Variants in ASIC2 observed in about 807,000 individuals in gnomAD.
ASIC2 encodes acid-sensing ion channel 2.
ASIC2 carries 25 observed loss-of-function variants against 57.3 expected under a neutral mutation model. The ratio of observed to expected loss-of-function variants is 0.44; its 90% CI spans 0.32 to 0.61. ASIC2 has a LOEUF of 0.61. ASIC2 is among the 20% of genes least tolerant of loss of function. The probability of loss-of-function intolerance (pLI) is 0.06; values close to 1 mark genes in which losing one functional copy is unlikely to be tolerated. For synonymous variants in ASIC2, 319 were observed against 307.5 expected, an observed-to-expected ratio of 1.04 and a Z score of -0.39; for missense variants, 641 against 738.1, an observed-to-expected ratio of 0.87 and a Z score of 1.52.
chr17:33,825,769 C>A (rs1016767607), intron 1 of ASIC2, among the ~76,000 whole-genome samples: 8 of 152,250 alleles, frequency 5.3e-5, no homozygotes, highest in African/African-American at 1.9e-4. Flanking sequence ...AAGAAAAATT[C>A]TTGGCTACTG....
chr17:34,057,839 G>C (rs1284926937), intron 1 of ASIC2, among the ~76,000 whole-genome samples: 1 of 152,126 alleles, frequency 6.6e-6, no homozygotes, highest in Non-Finnish European at 1.5e-5. Context: ...AAATGCCTGT[G>C]ATAGAACCAA....
chr17:33,650,951 T>C (rs530132815), intron 1 of ASIC2, among the ~76,000 whole-genome samples: 3 of 152,330 alleles, frequency 2.0e-5, no homozygotes, highest in South Asian at 4.1e-4. Context: ...TATTGTACTA[T>C]AGTTTTGCAA....
chr17:33,508,444 G>T (rs1914328904), intron 1 of ASIC2, among the ~76,000 whole-genome samples: 1 of 152,180 alleles, frequency 6.6e-6, no homozygotes, highest in Admixed American at 6.5e-5. Flanking sequence ...GCAGGCCATG[G>T]AAGCCCAGTA....
chr17:33,323,362 A>T (rs1305266050), intron 1 of ASIC2, among the ~76,000 whole-genome samples: 3 of 152,198 alleles, frequency 2.0e-5, no homozygotes, highest in African/African-American at 7.2e-5. Flanking sequence ...AGAATGAATG[A>T]TCCATGACTA....
At chr17:33,343,321 C>A (rs1175947780) in intron 1 of ASIC2, among the ~76,000 whole-genome samples, 2 of 152,230 alleles carry the variant, frequency 1.3e-5, no homozygotes, top group East Asian at 1.9e-4. Flanking sequence ...TCTGCTCCCT[C>A]TTCTAATCCT....
At chr17:33,546,255 T>A (rs1915575578) in intron 1 of ASIC2, among the ~76,000 whole-genome samples, 1 of 152,018 alleles carries the variant, frequency 6.6e-6, no homozygotes, top group Non-Finnish European at 1.5e-5. Flanking sequence ...ATATTCATCT[T>A]ATTCATTCTT....
chr17:33,943,697 A>AAAT (rs1282996345), intron 1 of ASIC2, among the ~76,000 whole-genome samples: 10 of 151,170 alleles, frequency 6.6e-5, no homozygotes, highest in Non-Finnish European at 1.0e-4. Flanking sequence ...AATAGTAAAA[A>AAAT]AAAAAAAAAA....
chr17:33,606,388 T>G (rs905932576), intron 1 of ASIC2, among the ~76,000 whole-genome samples: 10 of 152,158 alleles, frequency 6.6e-5, no homozygotes, highest in Non-Finnish European at 1.5e-4. Flanking sequence ...TCCAAATCAC[T>G]CCACACAGCT....
Position 33,408,680 on chromosome 17 carries a change from T to C in ASIC2, c.556-296613A>G, listed in dbSNP as rs113936474. Among the ~76,000 whole-genome samples the C allele has an allele frequency of 2.6e-3, 393 of 152,272 alleles. 2 individuals are homozygous for C. Among genetic ancestry groups the C allele is most frequent in the African/African-American group, 9.1e-3 (378 of 41,542 alleles). Reference sequence around the variant, plus strand: ...CCACTCCCTGGATGAAAATTCATGATAAACAAATGAACAAACAAACAGTAG... The same window carrying C: ...CCACTCCCTGGATGAAAATTCATGACAAACAAATGAACAAACAAACAGTAG... On this transcript the variant is annotated intron_variant, in intron 1 of 9. Coordinates refer to the ASIC2 transcript ENST00000359872.
At chr17:33,283,975 C>T (rs1905056461) in intron 1 of ASIC2, among the ~76,000 whole-genome samples, 1 of 152,140 alleles carries the variant, frequency 6.6e-6, no homozygotes, top group Non-Finnish European at 1.5e-5. Flanking sequence ...CCACACAGTG[C>T]CTCAGTTTTC....
intron 1 of ASIC2, among the ~76,000 whole-genome samples, chr17:33,749,938 G>A (rs1299403487): frequency 6.6e-6 from 1 of 152,130 alleles, no homozygotes; most frequent in Non-Finnish European, 1.5e-5. Flanking sequence ...GAGTGCCCGA[G>A]TCTCCCCCCA....
At chr17:33,891,868 A>T (rs1310866145) in intron 1 of ASIC2, among the ~76,000 whole-genome samples, 1 of 152,178 alleles carries the variant, frequency 6.6e-6, no homozygotes, top group Non-Finnish European at 1.5e-5. Context: ...CTTCTTTCTT[A>T]GGCACTTCTC....
At chr17:33,588,174 C>G (rs1222117309) in intron 1 of ASIC2, among the ~76,000 whole-genome samples, 2 of 152,208 alleles carry the variant, frequency 1.3e-5, no homozygotes, top group East Asian at 3.8e-4. Flanking sequence ...ATGATGTGAG[C>G]TTATGGCTTA....
intron 1 of ASIC2, among the ~76,000 whole-genome samples, chr17:33,489,039 C>T (rs1453830597): frequency 6.6e-6 from 1 of 152,150 alleles, no homozygotes; most frequent in Non-Finnish European, 1.5e-5. Context: ...TTCAAAGTCC[C>T]TGCCCTTCCA....
intron 1 of ASIC2, among the ~76,000 whole-genome samples, chr17:33,367,723 G>T (rs988064022): frequency 2.0e-5 from 3 of 152,124 alleles, no homozygotes; most frequent in African/African-American, 7.2e-5. Context: ...CAGGGCAATT[G>T]ATAAAGATAA....
chr17:33,827,881 C>G (rs548023955), intron 1 of ASIC2: 1 of 152,238 alleles, frequency 6.6e-6, no homozygotes, highest in East Asian at 1.9e-4. Context: ...CTCTTTCCCT[C>G]CACTCCCGAC....
chr17:33,297,307 C>G (rs972687662), upstream of ASIC2, among the ~76,000 whole-genome samples: 7 of 152,160 alleles, frequency 4.6e-5, no homozygotes, highest in African/African-American at 1.7e-4. Context: ...GGAGTATAAG[C>G]CTACCAACCC....
At chr17:33,310,960 G>A (rs1906390692) in intron 1 of ASIC2, among the ~76,000 whole-genome samples, 1 of 152,134 alleles carries the variant, frequency 6.6e-6, no homozygotes, top group South Asian at 2.1e-4. Context: ...GAATCACAAA[G>A]CCTGATTTTA....
At chr17:33,591,188 TG>T (rs1330354393) in intron 1 of ASIC2, among the ~76,000 whole-genome samples, 5 of 152,354 alleles carry the variant, frequency 3.3e-5, no homozygotes, top group African/African-American at 1.2e-4. Flanking sequence ...TTTCAGTTAC[TG>T]GCTGCCTGTC....
Sources: gnomAD v4.1 joint callset for allele counts (sites outside exome capture counted in the v4.1 genomes callset) on GRCh38, gnomAD v4.1.1 for gene constraint, MANE v1.5 for transcripts, NCBI Gene and HGNC (gene_info 2026-07-23, HGNC 2026-07-21) for gene names.